The following MBNL1 variants were observed in gnomAD, a reference collection of about 807,000 sequenced individuals.
MBNL1 encodes muscleblind-like protein 1.
Under a neutral mutation model 42.2 loss-of-function variants are expected in MBNL1, and 8 were observed. The observed-to-expected ratio is 0.19, with a 90% CI of 0.11 to 0.34. The LOEUF (loss-of-function observed/expected upper bound fraction) is 0.34, where lower values mean the gene tolerates loss of function less well. MBNL1 is among the 10% of genes least tolerant of loss of function. The pLI is 1.00. For missense variants in MBNL1, 309 were observed against 495.3 expected, an observed-to-expected ratio of 0.62 and a Z score of 3.57; for synonymous variants, 169 against 173.9, an observed-to-expected ratio of 0.97 and a Z score of 0.22.
chr3:152,368,485 G>A (rs1222057343), intron 2 of MBNL1, among the ~76,000 whole-genome samples: 1 of 152,054 alleles, frequency 6.6e-6, no homozygotes, highest in African/African-American at 2.4e-5. Flanking sequence ...AATTGTCTTG[G>A]CTTATACAGG....
chr3:152,455,666 T>C, intron 7 of MBNL1, 89 bp downstream of exon 7: 1 of 1,167,518 alleles, frequency 8.6e-7, no homozygotes. Flanking sequence ...AACTTATATC[T>C]ATTGGGCAAG....
intron 2 of MBNL1, among the ~76,000 whole-genome samples, chr3:152,250,605 C>G (rs1158977311): frequency 6.6e-6 from 1 of 151,266 alleles, no homozygotes; most frequent in Admixed American, 6.6e-5. Context: ...ATTGAATACC[C>G]TTTATTTCCT....
At chr3:152,310,810 A>G (rs2065922036) in intron 2 of MBNL1, among the ~76,000 whole-genome samples, 1 of 152,004 alleles carries the variant, frequency 6.6e-6, no homozygotes, top group African/African-American at 2.4e-5. Context: ...AATCAGAATA[A>G]TAGACTGTTT....
intron 1 of MBNL1, among the ~76,000 whole-genome samples, chr3:152,272,960 A>G (rs528422695): frequency 1.3e-5 from 2 of 152,308 alleles, no homozygotes; most frequent in African/African-American, 4.8e-5. Flanking sequence ...AAGGATGCCA[A>G]AAAATGTAAA....
In MBNL1 at chr3:152,420,025, A is replaced by C. The variant is rs369238446; in HGVS notation, c.345+4914A>C. 8.7e-4 allele frequency among the ~76,000 whole-genome samples: 132 copies of C among 152,310 alleles called. 2 individuals carry two copies. In the South Asian group the frequency reaches 0.026, roughly 30 times the overall value. On this transcript the variant is annotated intron_variant, in intron 3 of 9. Transcript: ENST00000324210. The stretch of plus-strand genomic sequence containing the variant: ...CTGGGTGCAGAAACCACCTCAGCAC[A>C]GCAAAGCTGCTGTAGCCAGGCTGCC...
intron 2 of MBNL1, among the ~76,000 whole-genome samples, chr3:152,382,041 G>A (rs915442313): frequency 1.3e-5 from 2 of 151,996 alleles, no homozygotes; most frequent in African/African-American, 4.8e-5. Flanking sequence ...AACTAAGTAG[G>A]CGTAACATAC....
At chr3:152,295,368 A>T (rs2058121040) in intron 1 of MBNL1, among the ~76,000 whole-genome samples, 1 of 152,208 alleles carries the variant, frequency 6.6e-6, no homozygotes, top group African/African-American at 2.4e-5. Context: ...TATGACTACC[A>T]AGCAATGCAG....
At chr3:152,458,301 T>A in intron 8 of MBNL1, 1 of 888,594 alleles carries the variant, frequency 1.1e-6, no homozygotes, top group Non-Finnish European at 1.8e-6. Context: ...AGGGACATAT[T>A]AATATACACG....
At chr3:152,262,580 T>C (rs1186615011) in intron 2 of MBNL1, 5 of 152,254 alleles carry the variant, frequency 3.3e-5, no homozygotes, top group African/African-American at 4.8e-5. Flanking sequence ...TTGTCAAAGA[T>C]TGGTTTACCT....
At chr3:152,322,493 C>T (rs2077031511) in intron 2 of MBNL1, among the ~76,000 whole-genome samples, 1 of 151,980 alleles carries the variant, frequency 6.6e-6, no homozygotes, top group Non-Finnish European at 1.5e-5. Context: ...ATATAGAACA[C>T]TAAAATCATT....
rs555622783 is a variant in MBNL1, at chr3:152,411,928, C to T, written c.175-3013C>T. Among the ~76,000 whole-genome samples, 3 of 152,238 alleles carry T rather than the reference C, an allele frequency of 2.0e-5. No homozygotes were observed. In the East Asian group the frequency reaches 5.8e-4, roughly 29 times the overall value. ...TATCATATTTAGTTTTTTCTATTATCTCCATTGTCTCTAGAATAGAGTTAG... is the reference window on the plus strand; with the variant it reads ...TATCATATTTAGTTTTTTCTATTATTTCCATTGTCTCTAGAATAGAGTTAG... On this transcript the variant is annotated intron_variant, in intron 2 of 9. Coordinates refer to ENST00000324210, the MANE Select transcript of MBNL1 (RefSeq NM_021038.5).
At chr3:152,249,291 C>A (rs1463673819) in intron 2 of MBNL1, among the ~76,000 whole-genome samples, 16 of 141,696 alleles carry the variant, frequency 1.1e-4, no homozygotes, top group African/African-American at 2.6e-4. Context: ...TGTTTCCTGA[C>A]TTTTTAATGA....
At chr3:152,381,901 C>T (rs535885673) in intron 2 of MBNL1, among the ~76,000 whole-genome samples, 1 of 152,132 alleles carries the variant, frequency 6.6e-6, no homozygotes, top group South Asian at 2.1e-4. Flanking sequence ...CTTGATTAAC[C>T]TATACTTCAG....
intron 2 of MBNL1, among the ~76,000 whole-genome samples, chr3:152,314,299 T>TC (rs1169832235): frequency 6.6e-6 from 1 of 152,102 alleles, no homozygotes; most frequent in Non-Finnish European, 1.5e-5. Flanking sequence ...GCTTTTTTTT[T>TC]TTCCCCCTTT....
At chr3:152,458,158 G>C (rs1254252091) in intron 8 of MBNL1, 1 of 1,613,860 alleles carries the variant, frequency 6.2e-7, no homozygotes, top group Non-Finnish European at 8.5e-7. Flanking sequence ...TACACTGTTG[G>C]GTGCAACATC....
intron 6 of MBNL1, among the ~76,000 whole-genome samples, chr3:152,450,148 TACACAC>T (rs952571686): frequency 6.8e-6 from 1 of 146,396 alleles, no homozygotes; most frequent in Non-Finnish European, 1.5e-5. Flanking sequence ...CAAATATATA[TACACAC>T]ACACACACAT....
chr3:152,382,380 A>G (rs1356203911), intron 2 of MBNL1, among the ~76,000 whole-genome samples: 1 of 152,098 alleles, frequency 6.6e-6, no homozygotes, highest in East Asian at 1.9e-4. Flanking sequence ...GTTAGGTTGC[A>G]TAACATTTTT....
chr3:152,281,260 G>A (rs367711041), intron 1 of MBNL1, among the ~76,000 whole-genome samples: 2 of 152,106 alleles, frequency 1.3e-5, no homozygotes, highest in Admixed American at 1.3e-4. Flanking sequence ...AGGTACTACT[G>A]TGAGAGCTGA....
intron 1 of MBNL1, among the ~76,000 whole-genome samples, chr3:152,288,272 GCATAAT>G (rs2053765422): frequency 6.6e-6 from 1 of 152,154 alleles, no homozygotes; most frequent in Admixed American, 6.5e-5. Flanking sequence ...ACATGCAAAG[GCATAAT>G]CATATAAGAG....
Sources: allele counts gnomAD v4.1 joint callset (sites outside exome capture counted in the v4.1 genomes callset), GRCh38; gene constraint gnomAD v4.1.1; transcripts MANE v1.5; gene names NCBI Gene and HGNC (gene_info 2026-07-23, HGNC 2026-07-21).